DOCK9: variants seen among roughly 807,000 people sequenced by gnomAD.
DOCK9 encodes dedicator of cytokinesis 9, also known as dedicator of cytokinesis protein 9.
Under a neutral mutation model 263.3 loss-of-function variants are expected in DOCK9, and 89 were observed. The observed-to-expected ratio is 0.34, with a 90% CI of 0.28 to 0.40. The LOEUF is 0.40. Ranked by LOEUF, DOCK9 falls within the 10% of genes least tolerant of loss-of-function variation. The pLI, the probability that DOCK9 is intolerant of heterozygous loss-of-function variation, is 1.00. For missense variants in DOCK9, 2,140 were observed against 2,603.4 expected, an observed-to-expected ratio of 0.82 and a Z score of 3.87; for synonymous variants, 976 against 973.1, an observed-to-expected ratio of 1.00 and a Z score of -0.06.
chr13:99,025,162 A>T (rs1886568309), intron 1 of DOCK9: 1 of 152,220 alleles, frequency 6.6e-6, no homozygotes, highest in South Asian at 2.1e-4. Context: ...ATGTAGGAGA[A>T]ACTATCCTCC....
chr13:99,080,699 T>C (rs760327071), intron 1 of DOCK9, among the ~76,000 whole-genome samples: 3 of 152,228 alleles, frequency 2.0e-5, no homozygotes, highest in Non-Finnish European at 4.4e-5. Context: ...TAATTCTTAA[T>C]AAATTCTTTC....
chr13:98,991,396 G>A (rs1879774607), intron 1 of DOCK9, among the ~76,000 whole-genome samples: 1 of 152,176 alleles, frequency 6.6e-6, no homozygotes, highest in East Asian at 1.9e-4. Context: ...AATAACAAGT[G>A]TGACAGGAGT....
intron 43 of DOCK9, among the ~76,000 whole-genome samples, chr13:98,827,213 A>C (rs1594400905): frequency 6.6e-6 from 1 of 152,220 alleles, no homozygotes; most frequent in East Asian, 1.9e-4. Flanking sequence ...CATTTCTCTC[A>C]AAGCGAAAAG....
intron 15 of DOCK9, among the ~76,000 whole-genome samples, chr13:98,897,232 C>T (rs2047578909): frequency 6.6e-6 from 1 of 152,176 alleles, no homozygotes; most frequent in African/African-American, 2.4e-5. Context: ...GTTTCCTCCC[C>T]ACCATAGGCT....
intron 1 of DOCK9, among the ~76,000 whole-genome samples, chr13:99,022,555 G>C (rs1198930876): frequency 6.6e-6 from 1 of 152,168 alleles, no homozygotes; most frequent in African/African-American, 2.4e-5. Context: ...AAGCGTCCAG[G>C]GAGGGACGGT....
intron 9 of DOCK9, among the ~76,000 whole-genome samples, chr13:98,905,356 C>G (rs1463685874): frequency 6.6e-6 from 1 of 152,120 alleles, no homozygotes; most frequent in African/African-American, 2.4e-5. Flanking sequence ...GAGAGCATAT[C>G]AACAGGTAAT....
intron 37 of DOCK9, chr13:98,847,046 A>T (rs2093414603): frequency 6.4e-6 from 1 of 155,558 alleles, no homozygotes; most frequent in African/African-American, 2.4e-5. Flanking sequence ...AAGTAGGAAG[A>T]TTTTCTTTTA....
At chr13:98,988,050 T>G (rs1288579801) in intron 1 of DOCK9, among the ~76,000 whole-genome samples, 1 of 152,186 alleles carries the variant, frequency 6.6e-6, no homozygotes, top group Non-Finnish European at 1.5e-5. Context: ...TTTCTACTTA[T>G]CTGTATATTT....
At chr13:98,942,395 C>T (rs1456395598) in intron 2 of DOCK9, among the ~76,000 whole-genome samples, 4 of 152,054 alleles carry the variant, frequency 2.6e-5, no homozygotes, top group South Asian at 2.1e-4. Flanking sequence ...CCCGCCACCA[C>T]GCCCGGCTAA....
At chr13:98,904,495 T>C (rs1157211115) in intron 10 of DOCK9, 137 bp downstream of exon 10, 3 of 643,740 alleles carry the variant, frequency 4.7e-6, no homozygotes, top group South Asian at 2.1e-5. Flanking sequence ...TTATTTTTCC[T>C]CTTTTCCCCA....
intron 2 of DOCK9, among the ~76,000 whole-genome samples, chr13:98,932,751 GC>G (rs1266608896): frequency 6.6e-6 from 1 of 152,124 alleles, no homozygotes; most frequent in Admixed American, 6.5e-5. Context: ...TAATCTTAAA[GC>G]CTATTTTTAG....
chr13:98,796,229 TG>T, intron 52 of DOCK9: 1 of 1,585,272 alleles, frequency 6.3e-7, no homozygotes, highest in East Asian at 2.3e-5. Context: ...CGTGTTAGCA[TG>T]GAGGAGAAAA....
At chr13:99,005,571 A>C (rs1033987812) in intron 1 of DOCK9, among the ~76,000 whole-genome samples, 1 of 152,206 alleles carries the variant, frequency 6.6e-6, no homozygotes, top group African/African-American at 2.4e-5. Flanking sequence ...ATCACAAACC[A>C]CTGAGTAAGG....
chr13:98,948,480 C>T (rs1335738023), intron 2 of DOCK9, among the ~76,000 whole-genome samples: 1 of 152,132 alleles, frequency 6.6e-6, no homozygotes, highest in Non-Finnish European at 1.5e-5. Flanking sequence ...ACAACAGTTT[C>T]CCACCCATAA....
chr13:99,026,456 G>T (rs1886739847), intron 1 of DOCK9, among the ~76,000 whole-genome samples: 1 of 152,220 alleles, frequency 6.6e-6, no homozygotes, highest in East Asian at 1.9e-4. Flanking sequence ...TGCATATGCA[G>T]AAGAGAGGAC....
intron 1 of DOCK9, among the ~76,000 whole-genome samples, chr13:98,999,310 A>ACTCTCTCTCT (rs1385708574): frequency 7.2e-4 from 91 of 125,562 alleles, no homozygotes; most frequent in East Asian, 3.1e-3. Flanking sequence ...ACACACACAC[A>ACTCTCTCTCT]CACACACTCT....
chr13:98,915,332 C>T lies in DOCK9; in HGVS notation c.889G>A (p.Glu297Lys), dbSNP rs1229729407. ...MQEKRNGDSH[E>K]DDEQSKLEGS... ...GGGGGAAGCCAAGCCTATCTACCTTCGTGAGAGTCGCCATTTCGCTTTTCT... is the reference window on the plus strand; with the variant it reads ...GGGGGAAGCCAAGCCTATCTACCTTTGTGAGAGTCGCCATTTCGCTTTTCT... Residue 297 changes from glutamate (E) to lysine (K), a missense_variant, in exon 8 of 53, where the codon GAA becomes AAA. Glu to Lys is a moderately conservative substitution (Grantham distance 56). Coordinates refer to ENST00000682017, the MANE Select transcript of DOCK9 (RefSeq NM_001366683.2). 10 of 1,613,148 alleles carry T rather than the reference C, an allele frequency of 6.2e-6. No individual in the cohort carries two copies. The highest frequency in any genetic ancestry group is 1.7e-5 in the Admixed American group (1 of 59,974).
chr13:98,831,636 T>A lies in DOCK9; in HGVS notation c.4452+13A>T. 1 of 1,611,402 alleles carries A rather than the reference T, an allele frequency of 6.2e-7. No individual in the cohort carries two copies. The highest frequency in any genetic ancestry group is 8.5e-7 in the Non-Finnish European group (1 of 1,178,812). Reference sequence around the variant, plus strand: ...AAGGAAAACATCTAACCACTGCCCATGAAGCAACTTACCTTATAAATTAAG... The same window carrying A: ...AAGGAAAACATCTAACCACTGCCCAAGAAGCAACTTACCTTATAAATTAAG... On this transcript the variant is annotated intron_variant, in intron 40 of 52. Transcript: ENST00000682017.
intron 27 of DOCK9, among the ~76,000 whole-genome samples, chr13:98,878,936 T>A (rs1424545531): frequency 6.6e-6 from 1 of 152,086 alleles, no homozygotes; most frequent in Non-Finnish European, 1.5e-5. Context: ...CCTACAAGGA[T>A]TGCAGCACAA....
Sources: allele counts gnomAD v4.1 joint callset (sites outside exome capture counted in the v4.1 genomes callset), GRCh38; gene constraint gnomAD v4.1.1; transcripts MANE v1.5; gene names NCBI Gene and HGNC (gene_info 2026-07-23, HGNC 2026-07-21).